SNX3: variants seen among roughly 807,000 people sequenced by gnomAD.
SNX3 encodes sorting nexin-3.
Under a neutral mutation model 17.7 loss-of-function variants are expected in SNX3, and 5 were observed. The observed-to-expected ratio is 0.28, with a 90% confidence interval of 0.15 to 0.59. The LOEUF is 0.59. Among genes scored for constraint, SNX3 ranks in the 20% least tolerant of loss-of-function variants. The pLI is 0.88. For missense variants in SNX3, 132 were observed against 206.8 expected, an observed-to-expected ratio of 0.64 and a Z score of 2.22; for synonymous variants, 91 against 76.5, an observed-to-expected ratio of 1.19 and a Z score of -0.99.
intron 1 of SNX3, among the ~76,000 whole-genome samples, chr6:108,240,061 G>A (rs1417242264): frequency 4.6e-5 from 7 of 152,138 alleles, no homozygotes; most frequent in Admixed American, 6.6e-5. Flanking sequence ...TCAACAGAGC[G>A]TCTCTCCAAA....
rs1413279539 is a variant in SNX3, at chr6:108,223,085, AGG to A, written c.163-42_163-41del. On this transcript the variant is annotated intron_variant, in intron 1 of 3. Transcript: ENST00000230085. ...GTTAGTCCTAAATTGAAGCACATTA[AGG>A]AAACTTCAAAAAAATGGGGGGACGG... 6 of 1,126,732 alleles carry A rather than the reference AGG, an allele frequency of 5.3e-6. No homozygotes were observed. The Admixed American group carries it at 6.2e-5, about 12-fold the overall frequency. The allele number at this position is 1,126,732 out of a possible 1,614,324, so 69.8% of individuals were successfully genotyped here. A position where few individuals can be genotyped will look rare whatever the true frequency, so the allele number is the denominator to read the frequency against.
At position 108,260,718 on chromosome 6, in the gene SNX3, C is replaced by G. The variant is rs1210224283; in HGVS notation, c.162+42G>C. On this transcript the variant is annotated intron_variant, in intron 1 of 3. Coordinates refer to ENST00000230085, the MANE Select transcript of SNX3 (RefSeq NM_003795.6). ...CGGGTCGAGTGGGGGTGACCAGAGC[C>G]AGCGGGAGGGGTTTCTTGGGAGAGG... 2.5e-6 allele frequency: 4 copies of G among 1,611,426 alleles called. No individual in the cohort carries two copies. The South Asian group carries it at 3.3e-5, about 13-fold the overall frequency.
At chr6:108,232,972 A>C (rs190781044) in intron 1 of SNX3, among the ~76,000 whole-genome samples, 67 of 152,358 alleles carry the variant, frequency 4.4e-4, no homozygotes, top group Non-Finnish European at 1.5e-5. Context: ...TGAAATGTAG[A>C]TTGTCACTAA....
intron 2 of SNX3, among the ~76,000 whole-genome samples, chr6:108,219,812 T>A (rs1158237552): frequency 2.0e-5 from 3 of 152,206 alleles, no homozygotes; most frequent in South Asian, 4.1e-4. Context: ...ACTAATCTAT[T>A]TGCCCAACCT....
At chr6:108,241,260 A>G (rs1338456435) in intron 1 of SNX3, among the ~76,000 whole-genome samples, 3 of 152,106 alleles carry the variant, frequency 2.0e-5, no homozygotes, top group Admixed American at 6.6e-5. Flanking sequence ...CCTTTCACAG[A>G]CAAGGGAGAG....
In SNX3 at chr6:108,222,910, G is replaced by T. The variant is rs143906421; in HGVS notation, c.258+40C>A. The stretch of plus-strand genomic sequence containing the variant: ...GAGAAATATTAAACATTAAAACTTG[G>T]AATGTTTTGCTTTAAAGTTGCATCA... On this transcript the variant is annotated intron_variant, in intron 2 of 3. Transcript: ENST00000230085. 260 of 1,130,490 alleles carry T rather than the reference G, an allele frequency of 2.3e-4. 1 individual carries two copies. In the African/African-American group the frequency reaches 3.3e-3, roughly 14 times the overall value. 70.0% of individuals were successfully genotyped at this position (1,130,490 alleles called of 1,614,324 possible). A position where few individuals can be genotyped will look rare whatever the true frequency, so the allele number is the denominator to read the frequency against.
chr6:108,212,991 G>A (rs1434789260), intron 3 of SNX3, among the ~76,000 whole-genome samples: 1 of 149,262 alleles, frequency 6.7e-6, no homozygotes, highest in African/African-American at 2.5e-5. Context: ...AGGTTCAAGC[G>A]ATTCTCCTGC....
At chr6:108,235,350 C>T (rs1775295001) in intron 1 of SNX3, among the ~76,000 whole-genome samples, 1 of 152,172 alleles carries the variant, frequency 6.6e-6, no homozygotes, top group Admixed American at 6.6e-5. Context: ...AATAAATCCT[C>T]CAGTCCCAGT....
At chr6:108,236,797 C>CT (rs1775359108) in intron 1 of SNX3, among the ~76,000 whole-genome samples, 1 of 152,172 alleles carries the variant, frequency 6.6e-6, no homozygotes, top group Admixed American at 6.5e-5. Context: ...TCTAAATTCT[C>CT]TAACACATGA....
At chr6:108,244,885 C>A (rs1311499456) in intron 1 of SNX3, among the ~76,000 whole-genome samples, 2 of 152,016 alleles carry the variant, frequency 1.3e-5, no homozygotes, top group African/African-American at 4.8e-5. Flanking sequence ...AGTAATCCAC[C>A]TGCCTCGGCC....
intron 1 of SNX3, among the ~76,000 whole-genome samples, chr6:108,229,185 G>A (rs1035631821): frequency 1.3e-5 from 2 of 150,774 alleles, no homozygotes; most frequent in East Asian, 1.9e-4. Flanking sequence ...GCTTGAACCC[G>A]GGAGGCGGAG....
chr6:108,229,448 C>T (rs1424984412), intron 1 of SNX3, among the ~76,000 whole-genome samples: 1 of 148,644 alleles, frequency 6.7e-6, no homozygotes, highest in Non-Finnish European at 1.5e-5. Context: ...CCTCCCCTTC[C>T]TTCCTTTAGA....
intron 1 of SNX3, among the ~76,000 whole-genome samples, chr6:108,244,979 G>A (rs184220338): frequency 1.3e-3 from 198 of 152,128 alleles, no homozygotes; most frequent in African/African-American, 4.5e-3. Context: ...TGGGATACAC[G>A]TGCAAAAAAA....
chr6:108,230,551 G>A (rs957840290), intron 1 of SNX3, among the ~76,000 whole-genome samples: 16 of 152,298 alleles, frequency 1.1e-4, no homozygotes, highest in African/African-American at 3.6e-4. Flanking sequence ...GTAAGCCACA[G>A]CCTTCATCTA....
At chr6:108,245,569 C>G (rs1377177099) in intron 1 of SNX3, among the ~76,000 whole-genome samples, 1 of 152,192 alleles carries the variant, frequency 6.6e-6, no homozygotes, top group African/African-American at 2.4e-5. Context: ...TACACTCCCA[C>G]CAACAGTGTA....
intron 1 of SNX3, among the ~76,000 whole-genome samples, chr6:108,226,586 G>T (rs530902915): frequency 6.6e-6 from 1 of 152,208 alleles, no homozygotes; most frequent in Admixed American, 6.5e-5. Context: ...AAAAAGTTAA[G>T]TGCCACCTGA....
intron 2 of SNX3, among the ~76,000 whole-genome samples, chr6:108,220,930 G>A (rs747107394): frequency 1.3e-5 from 2 of 151,506 alleles, no homozygotes; most frequent in African/African-American, 4.9e-5. Context: ...GCAGTGAGCC[G>A]ACATGATGCC....
chr6:108,249,172 C>T (rs189098570), intron 1 of SNX3, among the ~76,000 whole-genome samples: 129 of 152,214 alleles, frequency 8.5e-4, no homozygotes, highest in African/African-American at 3.0e-3. Context: ...CCAACCTGGG[C>T]AATGTAGTGA....
rs371776978 is a variant in SNX3, at chr6:108,218,334, C to T, written c.259-3712G>A. Among the ~76,000 whole-genome samples, 11 of 152,238 alleles carry T rather than the reference C, an allele frequency of 7.2e-5. No homozygotes were observed. The South Asian group carries it at 8.3e-4, about 11-fold the overall frequency. On this transcript the variant is annotated intron_variant, in intron 2 of 3. Coordinates refer to ENST00000230085, the MANE Select transcript of SNX3 (RefSeq NM_003795.6). ...AGAAATAAAAATCAAAACCACAATG[C>T]AATACCCCTTCACAAACAGTAGGAT...
Sources: gnomAD v4.1 joint callset for allele counts (sites outside exome capture counted in the v4.1 genomes callset) on GRCh38, gnomAD v4.1.1 for gene constraint, MANE v1.5 for transcripts, NCBI Gene and HGNC (gene_info 2026-07-23, HGNC 2026-07-21) for gene names.